The following GPAT4 variants were observed in gnomAD, a reference collection of about 807,000 sequenced individuals.
GPAT4 encodes the protein glycerol-3-phosphate acyltransferase 4, also known as 1-AGP acyltransferase 6.
In GPAT4, 17 loss-of-function variants were observed where a neutral mutation model predicts 58.0. That is an observed-to-expected ratio of 0.29 (90% confidence interval 0.20 to 0.44). The LOEUF is 0.44. Among genes scored for constraint, GPAT4 ranks in the 20% least tolerant of loss-of-function variants. The pLI is 1.00. For synonymous variants in GPAT4, 204 were observed against 210.1 expected, an observed-to-expected ratio of 0.97 and a Z score of 0.25; for missense variants, 377 against 574.5, an observed-to-expected ratio of 0.66 and a Z score of 3.51.
rs1159786065 is a variant in GPAT4 at position 41,595,156 on chromosome 8, GT to G, written c.-848-3117del. Among the ~76,000 whole-genome samples the G allele has an allele frequency of 3.2e-3, 419 of 130,280 alleles. 1 individual carries two copies. Among genetic ancestry groups the G allele is most frequent in the Middle Eastern group, 8.4e-3 (2 of 238 alleles). The allele number at this position is 130,280 out of a possible 152,430, so 85.5% of individuals were successfully genotyped here. ...TCCAAATTAACTTAGAATTGGTATA[GT>G]TTTTTTTTTTTTTTTTTTAATTACC... is the stretch of plus-strand genomic sequence containing the variant. On this transcript the variant is annotated intron_variant, in intron 1 of 12. Transcript: ENST00000396987.
At chr8:41,599,480 T>A (rs1803023947) in intron 2 of GPAT4, among the ~76,000 whole-genome samples, 176 bp downstream of exon 2, 1 of 152,202 alleles carries the variant, frequency 6.6e-6, no homozygotes, top group Non-Finnish European at 1.5e-5. Context: ...AAGGTACTTG[T>A]GTGTTTGATT....
At position 41,612,799 on chromosome 8, in the gene GPAT4, G is replaced by T. The variant is rs201491109; in HGVS notation, c.796-46G>T. On this transcript the variant is annotated intron_variant, in intron 7 of 12. Transcript: ENST00000396987. ...GGTTCTTCCTAGAGTGGGGAGATTCGTGTGAAGATGGCTTCACTACTAATG... is the reference window on the plus strand; with the variant it reads ...GGTTCTTCCTAGAGTGGGGAGATTCTTGTGAAGATGGCTTCACTACTAATG... 5 of 1,517,796 alleles carry T rather than the reference G, an allele frequency of 3.3e-6. No individual in the cohort carries two copies. In the African/African-American group the frequency reaches 5.5e-5, roughly 17 times the overall value. 94.0% of individuals were successfully genotyped at this position (1,517,796 alleles called of 1,614,324 possible). A position where few individuals can be genotyped will look rare whatever the true frequency, so the allele number is the denominator to read the frequency against.
intron 1 of GPAT4, among the ~76,000 whole-genome samples, chr8:41,594,675 A>G (rs1028568111): frequency 3.3e-5 from 5 of 151,248 alleles, no homozygotes; most frequent in African/African-American, 1.2e-4. Context: ...CCTCCCAAGT[A>G]GCTGGGACTA....
chr8:41,582,841 G>A (rs1802559769), intron 1 of GPAT4, among the ~76,000 whole-genome samples: 1 of 152,122 alleles, frequency 6.6e-6, no homozygotes. Context: ...GATAAAATCA[G>A]AGTATTTAGG....
In GPAT4 at chr8:41,609,930, C is replaced by T. The variant is rs1002596164; in HGVS notation, c.511C>T (p.Arg171Trp). The T allele has an allele frequency of 1.2e-6, 2 of 1,610,798 alleles. No individual in the cohort carries two copies. Among genetic ancestry groups the T allele is most frequent in the East Asian group, 2.2e-5 (1 of 44,834 alleles). Reference sequence around the variant, plus strand: ...CCTGTGGGGGTTAGGAGTGCTGATTCGGTACTGCTTTCTGCTGCCGCTCAG... The same window carrying T: ...CCTGTGGGGGTTAGGAGTGCTGATTTGGTACTGCTTTCTGCTGCCGCTCAG... Reference protein sequence around the residue: ...TVLWGLGVLIRYCFLLPLRIA... With the variant: ...TVLWGLGVLIWYCFLLPLRIA... Residue 171 changes from arginine (R) to tryptophan (W), a missense_variant, in exon 4 of 13, where the codon CGG (arginine) becomes TGG (tryptophan). Coordinates refer to ENST00000396987, the MANE Select transcript of GPAT4 (RefSeq NM_178819.4).
intron 1 of GPAT4, among the ~76,000 whole-genome samples, chr8:41,588,374 T>G (rs1330061463): frequency 6.6e-6 from 1 of 152,098 alleles, no homozygotes; most frequent in Non-Finnish European, 1.5e-5. Context: ...CATTTAGGAG[T>G]GATAATAGTC....
At chr8:41,615,964 G>T (rs927994406) in intron 10 of GPAT4, among the ~76,000 whole-genome samples, 1 of 152,240 alleles carries the variant, frequency 6.6e-6, no homozygotes, top group Non-Finnish European at 1.5e-5. Context: ...AGAGGACCAG[G>T]CCAGGGATGG....
chr8:41,585,086 T>A (rs897706568), intron 1 of GPAT4, among the ~76,000 whole-genome samples: 5 of 152,220 alleles, frequency 3.3e-5, no homozygotes, highest in Non-Finnish European at 5.9e-5. Context: ...GTTTCCCCAC[T>A]AAGCAACAGC....
chr8:41,612,260 G>C lies in GPAT4; in HGVS notation c.782G>C (p.Gly261Ala). Reference protein sequence around the residue: ...PIDVIILASDGYYAMVGQVHG... With the variant: ...PIDVIILASDAYYAMVGQVHG... ...GATGTGATCATCTTGGCCAGCGATG[G>C]CTATTATGCCATGGTAAGAGCTCTT... Residue 261 changes from glycine (G) to alanine (A), a missense_variant, in exon 7 of 13, where the codon GGC (glycine) becomes GCC (alanine). Transcript: ENST00000396987. 1 of 1,614,228 alleles carries C rather than the reference G, an allele frequency of 6.2e-7. No homozygotes were observed. The highest frequency in any genetic ancestry group is 8.5e-7 in the Non-Finnish European group (1 of 1,180,036).
intron 1 of GPAT4, among the ~76,000 whole-genome samples, chr8:41,586,240 G>T (rs1002758590): frequency 6.6e-6 from 1 of 152,144 alleles, no homozygotes; most frequent in African/African-American, 2.4e-5. Context: ...ATGTTATAGC[G>T]TGTATCATTT....
intron 1 of GPAT4, among the ~76,000 whole-genome samples, chr8:41,583,614 C>T (rs1039045113): frequency 1.3e-5 from 2 of 152,008 alleles, no homozygotes; most frequent in African/African-American, 4.8e-5. Flanking sequence ...CATTGAACTC[C>T]AGTGTGCATT....
intron 4 of GPAT4, 185 bp from the exon 5 acceptor site, chr8:41,610,551 T>C: frequency 1.3e-6 from 2 of 1,489,830 alleles, no homozygotes; most frequent in East Asian, 2.6e-5. Flanking sequence ...CACTGTCAGC[T>C]GGAATCAAAA....
intron 6 of GPAT4, 42 bp downstream of exon 6, chr8:41,612,034 A>C (rs1196017182): frequency 1.2e-6 from 2 of 1,607,428 alleles, no homozygotes; most frequent in Admixed American, 1.7e-5. Flanking sequence ...ATGGCGCTGC[A>C]GGAAACACCA....
At chr8:41,600,740 C>T (rs1174445443) in intron 2 of GPAT4, among the ~76,000 whole-genome samples, 1 of 152,196 alleles carries the variant, frequency 6.6e-6, no homozygotes, top group East Asian at 1.9e-4. Context: ...ACCCCACACT[C>T]ATTAAGCATT....
At chr8:41,616,062 G>A (rs1338211184) in intron 10 of GPAT4, among the ~76,000 whole-genome samples, 1 of 152,248 alleles carries the variant, frequency 6.6e-6, no homozygotes, top group Non-Finnish European at 1.5e-5. Context: ...CAGCAGGAAA[G>A]AGGAACATAG....
At chr8:41,620,571 C>G (rs1175961348) in intron 12 of GPAT4, among the ~76,000 whole-genome samples, 2 of 152,200 alleles carry the variant, frequency 1.3e-5, no homozygotes, top group African/African-American at 4.8e-5. Flanking sequence ...AGAATTCCTC[C>G]TTTTCCTTTG....
chr8:41,606,881 T>A (rs112959689), intron 2 of GPAT4, among the ~76,000 whole-genome samples: 4 of 152,308 alleles, frequency 2.6e-5, no homozygotes, highest in African/African-American at 7.2e-5. Context: ...CTTTCTAGAT[T>A]GGGACAAGGA....
In GPAT4 at chr8:41,618,692, T is replaced by C. The variant is rs755222182; in HGVS notation, c.1062T>C (p.Pro354=). ...TVYPVAIKYD[P]QFGDAFWNSS... The stretch of plus-strand genomic sequence containing the variant: ...CTTTCCATTGTTTTCAGTATGACCC[T>C]CAATTTGGCGATGCCTTCTGGAACA... The change falls in exon 11 of 13, where the codon CCT becomes CCC. Residue 354 remains proline (P), a synonymous_variant. Coordinates refer to ENST00000396987, the MANE Select transcript of GPAT4 (RefSeq NM_178819.4). The C allele has an allele frequency of 6.2e-6, 10 of 1,614,008 alleles. No homozygotes were observed. The African/African-American group carries it at 1.3e-4, about 22-fold the overall frequency.
At position 41,597,192 on chromosome 8, in the gene GPAT4, G is replaced by A. The variant is rs543320748; in HGVS notation, c.-848-1100G>A. Among the ~76,000 whole-genome samples the A allele has an allele frequency of 4.6e-5, 7 of 152,272 alleles. No homozygotes were observed. In the East Asian group the frequency reaches 1.3e-3, roughly 29 times the overall value. On this transcript the variant is annotated intron_variant, in intron 1 of 12. Transcript: ENST00000396987. Reference sequence around the variant, plus strand: ...CTTCTTTCTTTGGAGGCAGAAATTGGGCATAAGACAATATGAAGGGTGGTC... The same window carrying A: ...CTTCTTTCTTTGGAGGCAGAAATTGAGCATAAGACAATATGAAGGGTGGTC...
Sources: gnomAD v4.1 joint callset for allele counts (sites outside exome capture counted in the v4.1 genomes callset) on GRCh38, gnomAD v4.1.1 for gene constraint, MANE v1.5 for transcripts, NCBI Gene and HGNC (gene_info 2026-07-23, HGNC 2026-07-21) for gene names.